SEPTIN2: variants seen among roughly 807,000 people sequenced by gnomAD.
SEPTIN2 encodes the protein septin-2.
Under a neutral mutation model 46.5 loss-of-function variants are expected in SEPTIN2, and 34 were observed. That is an observed-to-expected ratio of 0.73 (90% CI 0.56 to 0.97). The LOEUF (loss-of-function observed/expected upper bound fraction) is 0.97. SEPTIN2 is among the 50% of genes least tolerant of loss of function. The probability of loss-of-function intolerance (pLI) is 0.00; values close to 1 mark genes in which losing one functional copy is unlikely to be tolerated. For missense variants in SEPTIN2, 347 were observed against 448.4 expected (o/e 0.77, Z 2.04); for synonymous variants, 175 against 153.4 (o/e 1.14, Z -1.04).
At chr2:241,351,001 A>C (rs985622856) in intron 12 of SEPTIN2, among the ~76,000 whole-genome samples, 11 of 152,210 alleles carry the variant, frequency 7.2e-5, no homozygotes, top group Middle Eastern at 3.2e-3. Context: ...AACCTCATAC[A>C]AGAGATCTGA....
Position 241,335,204 on chromosome 2 carries a change from G to GGCCGGGCGCGGTGGCTCACGCCTGTA in SEPTIN2, c.209_210insGCCGGGCGCGGTGGCTCACGCCTGTA (p.Ala71ProfsTer36). The GGCCGGGCGCGGTGGCTCACGCCTGTA allele has an allele frequency of 6.2e-7, 1 of 1,612,236 alleles. No individual in the cohort carries two copies. The highest frequency in any genetic ancestry group is 1.1e-5 in the South Asian group (1 of 90,908). On this transcript the variant is annotated frameshift_variant, in exon 4 of 13. Coordinates refer to ENST00000391971, the MANE Select transcript of SEPTIN2 (RefSeq NM_004404.5). LOFTEE classifies it high-confidence loss of function. The stretch of plus-strand genomic sequence containing the variant: ...CTGTACCCAGAAAGAGTCATACCTG[G>GGCCGGGCGCGGTGGCTCACGCCTGTA]AGCAGCAGGTAAAAACATTCTTATG...
At chr2:241,338,327 C>T (rs1003047749) in intron 7 of SEPTIN2, among the ~76,000 whole-genome samples, 1 of 151,922 alleles carries the variant, frequency 6.6e-6, no homozygotes, top group African/African-American at 2.4e-5. Context: ...TTTTAAATTG[C>T]TTACTTTGTT....
In SEPTIN2 at chr2:241,353,498, T is replaced by C. The variant is rs2060924555; in HGVS notation, c.*1561T>C. The C allele has an allele frequency of 6.6e-6, 1 of 152,186 alleles. No individual in the cohort carries two copies. Among genetic ancestry groups the C allele is most frequent in the Non-Finnish European group, 1.5e-5 (1 of 68,036 alleles). 9.4% of individuals were successfully genotyped at this position (152,186 alleles called of 1,614,324 possible). On this transcript the variant is annotated 3_prime_UTR_variant, in exon 13 of 13. Transcript: ENST00000391971. ...TGTGGGGGCTAGAAAAAACATAAAA[T>C]GAGGCAGTTAAATAATAATAGTTAA...
chr2:241,348,253 A>C, intron 11 of SEPTIN2, 62 bp downstream of exon 11: 1 of 1,423,302 alleles, frequency 7.0e-7, no homozygotes. Flanking sequence ...TTTGAGACAG[A>C]GTTTTGCACC....
At chr2:241,338,103 T>C (rs2080336702) in intron 7 of SEPTIN2, among the ~76,000 whole-genome samples, 1 of 152,186 alleles carries the variant, frequency 6.6e-6, no homozygotes, top group Non-Finnish European at 1.5e-5. Context: ...ATGTGATCTC[T>C]CCATGAAGTT....
chr2:241,320,114 C>T lies in SEPTIN2; in HGVS notation c.-17-4102C>T, dbSNP rs141497568. The T allele has an allele frequency of 2.3e-4, 95 of 414,690 alleles. No individual in the cohort carries two copies. The East Asian group carries it at 6.6e-3, about 29-fold the overall frequency. The allele number at this position is 414,690 out of a possible 1,614,324, so 25.7% of individuals were successfully genotyped here. On this transcript the variant is annotated intron_variant, in intron 1 of 12. Transcript: ENST00000391971. ...GATTGGCCTATGGCGTTCATTCATT[C>T]CTTTGTTCCTTTCTTATGTCTCCAT... is the stretch of plus-strand genomic sequence containing the variant.
chr2:241,329,207 G>T (rs546238009), intron 3 of SEPTIN2, among the ~76,000 whole-genome samples: 7 of 150,250 alleles, frequency 4.7e-5, no homozygotes, highest in African/African-American at 1.7e-4. Context: ...CTCACTGCAA[G>T]CTCCACCTCC....
intron 3 of SEPTIN2, among the ~76,000 whole-genome samples, chr2:241,333,863 C>T (rs1221686408): frequency 1.7e-4 from 26 of 152,088 alleles, no homozygotes; most frequent in Admixed American, 1.7e-3. Flanking sequence ...TTGTTTTATT[C>T]TGTAAGGGAC....
rs1669255944 is a variant in SEPTIN2 at position 241,352,682 on chromosome 2, G to A, written c.*745G>A. The A allele has an allele frequency of 6.6e-6, 1 of 152,100 alleles. No individual in the cohort carries two copies. The highest frequency in any genetic ancestry group is 2.1e-4 in the South Asian group (1 of 4,820). 9.4% of individuals were successfully genotyped at this position (152,100 alleles called of 1,614,324 possible). ...CTCACCACAAGCCACCTTTTGTAGT[G>A]TTCTCCACTAATACTGGTTATCCTG... is the stretch of plus-strand genomic sequence containing the variant. On this transcript the variant is annotated 3_prime_UTR_variant, in exon 13 of 13. Coordinates refer to ENST00000391971, the MANE Select transcript of SEPTIN2 (RefSeq NM_004404.5).
intron 3 of SEPTIN2, among the ~76,000 whole-genome samples, chr2:241,331,093 C>T (rs890667278): frequency 2.6e-5 from 4 of 152,056 alleles, no homozygotes; most frequent in Non-Finnish European, 5.9e-5. Flanking sequence ...GCGGGAGAAT[C>T]GCTTGAATCT....
At chr2:241,351,484 TGAG>T (rs1307899526) in intron 12 of SEPTIN2, 1 of 152,192 alleles carries the variant, frequency 6.6e-6, no homozygotes, top group Non-Finnish European at 1.5e-5. Flanking sequence ...ACTTTACTGA[TGAG>T]GAAATTGTTG....
At chr2:241,324,310 C>A in intron 2 of SEPTIN2, 69 bp downstream of exon 2, 2 of 1,257,406 alleles carry the variant, frequency 1.6e-6, no homozygotes, top group South Asian at 2.5e-5. Context: ...TGTTGACAGT[C>A]GGGACTTATA....
intron 12 of SEPTIN2, 56 bp downstream of exon 12, chr2:241,350,259 C>A: frequency 1.0e-6 from 1 of 994,412 alleles, no homozygotes; most frequent in Non-Finnish European, 1.5e-6. Flanking sequence ...ATTGTGTCAG[C>A]TTAAATATGA....
chr2:241,351,059 C>T (rs114946435), intron 12 of SEPTIN2, among the ~76,000 whole-genome samples: 298 of 152,174 alleles, frequency 2.0e-3, no homozygotes, highest in African/African-American at 6.9e-3. Context: ...GAGGATGAAA[C>T]GCTGGGAATT....
At position 241,324,256 on chromosome 2, in the gene SEPTIN2, C is replaced by T. The variant is rs1201697625; in HGVS notation, c.9+15C>T. 1.2e-6 allele frequency: 2 copies of T among 1,604,174 alleles called. No individual in the cohort carries two copies. The highest frequency in any genetic ancestry group is 1.7e-5 in the Admixed American group (1 of 59,138). Reference sequence around the variant, plus strand: ...AGATGTCTAAGGTAAGATCATACTTCATGTATCTACAGCATAAGGAGAAAT... The same window carrying T: ...AGATGTCTAAGGTAAGATCATACTTTATGTATCTACAGCATAAGGAGAAAT... On this transcript the variant is annotated intron_variant, in intron 2 of 12. Coordinates refer to ENST00000391971, the MANE Select transcript of SEPTIN2 (RefSeq NM_004404.5).
chr2:241,349,933 G>T, intron 11 of SEPTIN2, 140 bp from the exon 12 acceptor site: 5 of 721,994 alleles, frequency 6.9e-6, no homozygotes, highest in South Asian at 6.8e-5. Flanking sequence ...TTATTGATTG[G>T]TAAAAAGTCT....
chr2:241,338,869 T>C (rs1333735582), intron 7 of SEPTIN2, among the ~76,000 whole-genome samples: 1 of 49,750 alleles, frequency 2.0e-5, no homozygotes, highest in East Asian at 4.4e-4. Context: ...AAAATATATA[T>C]ATTTAATATA....
At chr2:241,330,722 T>C (rs1486442424) in intron 3 of SEPTIN2, among the ~76,000 whole-genome samples, 1 of 152,254 alleles carries the variant, frequency 6.6e-6, no homozygotes, top group African/African-American at 2.4e-5. Flanking sequence ...TTGGAACAAA[T>C]TCTCATTTTC....
intron 3 of SEPTIN2, among the ~76,000 whole-genome samples, chr2:241,333,176 A>G (rs2079298803): frequency 6.6e-6 from 1 of 152,200 alleles, no homozygotes; most frequent in Non-Finnish European, 1.5e-5. Context: ...TAAAACTAGA[A>G]AGCCACAAGA....
Sources: gnomAD v4.1 joint callset for allele counts (sites outside exome capture counted in the v4.1 genomes callset) on GRCh38, gnomAD v4.1.1 for gene constraint, MANE v1.5 for transcripts, NCBI Gene and HGNC (gene_info 2026-07-23, HGNC 2026-07-21) for gene names.